The following SPAG16 variants were observed in gnomAD, a reference collection of about 807,000 sequenced individuals.
SPAG16 encodes sperm associated antigen 16, also known as sperm-associated antigen 16 protein.
In SPAG16, 86 loss-of-function variants were observed where a neutral mutation model predicts 80.4. That is an observed-to-expected ratio of 1.07 (90% CI 0.90 to 1.28). The LOEUF (loss-of-function observed/expected upper bound fraction) is 1.28, where lower values mean the gene tolerates loss of function less well. Among genes scored for constraint, SPAG16 ranks in the 50% most tolerant of loss-of-function variants. The probability of loss-of-function intolerance (pLI) is 0.00; values close to 1 mark genes in which losing one functional copy is unlikely to be tolerated. For missense variants in SPAG16, 870 were observed against 765.3 expected (o/e 1.14, Z -1.61); for synonymous variants, 294 against 265.9 (o/e 1.11, Z -1.03).
intron 10 of SPAG16, among the ~76,000 whole-genome samples, chr2:213,715,266 A>ATCTG (rs3076744): frequency 0.035 from 5,241 of 151,022 alleles, 119 homozygotes; most frequent in South Asian, 0.055. Context: ...CTATCTATCT[A>ATCTG]TCCATTCATC....
chr2:213,340,335 A>G lies in SPAG16; in HGVS notation c.644+65A>G, dbSNP rs904287662. On this transcript the variant is annotated intron_variant, in intron 6 of 15. Coordinates refer to ENST00000331683, the MANE Select transcript of SPAG16 (RefSeq NM_024532.5). ...TTAATACATGTTAAGTAATTTGATT[A>G]TGACAAAGTTTTAGACAAAGTTATT... 6.9e-6 allele frequency: 8 copies of G among 1,155,658 alleles called. No homozygotes were observed. The Admixed American group carries it at 1.8e-4, about 27-fold the overall frequency. The allele number at this position is 1,155,658 out of a possible 1,614,324, so 71.6% of individuals were successfully genotyped here.
chr2:213,425,413 G>T (rs2069850904), intron 9 of SPAG16, among the ~76,000 whole-genome samples: 1 of 152,164 alleles, frequency 6.6e-6, no homozygotes, highest in African/African-American at 2.4e-5. Flanking sequence ...ACTTTGGGAG[G>T]CTGAGGTGGG....
At chr2:213,735,784 GC>G (rs1319641620) in intron 10 of SPAG16, among the ~76,000 whole-genome samples, 13 of 152,188 alleles carry the variant, frequency 8.5e-5, no homozygotes, top group African/African-American at 2.9e-4. Context: ...GTCAGTCTCT[GC>G]CATGGCAGTT....
At chr2:213,422,161 G>A (rs2069634149) in intron 9 of SPAG16, 1 of 700,372 alleles carries the variant, frequency 1.4e-6, no homozygotes, top group South Asian at 1.5e-5. Flanking sequence ...GAGAAGAGCT[G>A]TGGCCCTTCA....
intron 8 of SPAG16, among the ~76,000 whole-genome samples, chr2:213,371,790 CT>C (rs1159460506): frequency 6.6e-6 from 1 of 152,096 alleles, no homozygotes; most frequent in East Asian, 1.9e-4. Flanking sequence ...TTTAAACATA[CT>C]TTTTTGACTA....
Position 213,350,513 on chromosome 2 carries a change from C to G in SPAG16, c.645-15C>G, listed in dbSNP as rs762669904. 2 of 1,437,370 alleles carry G rather than the reference C, an allele frequency of 1.4e-6. No individual in the cohort carries two copies. Among genetic ancestry groups the G allele is most frequent in the Non-Finnish European group, 1.9e-6 (2 of 1,059,148 alleles). The allele number at this position is 1,437,370 out of a possible 1,614,324, so 89.0% of individuals were successfully genotyped here. On this transcript the variant is annotated splice_polypyrimidine_tract_variant and intron_variant, in intron 6 of 15. Coordinates refer to ENST00000331683, the MANE Select transcript of SPAG16 (RefSeq NM_024532.5). Reference sequence around the variant, plus strand: ...CAATAACCCCTTAAGATGCTATTGACTTTATTTTTTATAGGTTGAAGTTAC... The same window carrying G: ...CAATAACCCCTTAAGATGCTATTGAGTTTATTTTTTATAGGTTGAAGTTAC...
At chr2:214,119,899 A>G (rs1278178869) in intron 14 of SPAG16, among the ~76,000 whole-genome samples, 1 of 152,042 alleles carries the variant, frequency 6.6e-6, no homozygotes, top group Non-Finnish European at 1.5e-5. Context: ...ATGAGAATCA[A>G]CTATAAATCT....
At chr2:214,138,425 A>G (rs957976556) in intron 14 of SPAG16, among the ~76,000 whole-genome samples, 1 of 152,146 alleles carries the variant, frequency 6.6e-6, no homozygotes, top group Non-Finnish European at 1.5e-5. Context: ...GCAAAAGAAT[A>G]TTTAAAGCCT....
intron 15 of SPAG16, among the ~76,000 whole-genome samples, chr2:214,233,341 AATAATG>A (rs199965064): frequency 0.037 from 3,042 of 81,770 alleles, 64 homozygotes; most frequent in East Asian, 0.15. Context: ...AAAAATAGAT[AATAATG>A]ATGATGATGA....
chr2:213,415,593 G>A (rs781328672), intron 9 of SPAG16, among the ~76,000 whole-genome samples: 2 of 152,204 alleles, frequency 1.3e-5, no homozygotes, highest in Non-Finnish European at 2.9e-5. Flanking sequence ...AATCTTCATG[G>A]TTGATTACGT....
intron 9 of SPAG16, among the ~76,000 whole-genome samples, chr2:213,441,358 A>C (rs1559136219): frequency 6.6e-6 from 1 of 152,224 alleles, no homozygotes; most frequent in South Asian, 2.1e-4. Flanking sequence ...AATGTCTTCT[A>C]TACGCATAGT....
intron 10 of SPAG16, among the ~76,000 whole-genome samples, chr2:213,712,841 C>T (rs74881359): frequency 0.025 from 3,839 of 152,256 alleles, 69 homozygotes; most frequent in Middle Eastern, 0.048. Flanking sequence ...AGATAGACAG[C>T]TTCCCTGCTT....
chr2:213,862,253 A>G (rs6710549), intron 10 of SPAG16, among the ~76,000 whole-genome samples: 6 of 151,820 alleles, frequency 4.0e-5, no homozygotes, highest in African/African-American at 1.5e-4. Context: ...TTGTCTTGCA[A>G]ATGAGGAATC....
intron 9 of SPAG16, among the ~76,000 whole-genome samples, chr2:213,397,755 A>G (rs1034899015): frequency 7.9e-5 from 12 of 152,084 alleles, no homozygotes; most frequent in Non-Finnish European, 2.9e-5. Context: ...ATCTCTGCAT[A>G]CTGAGGTGTT....
intron 9 of SPAG16, among the ~76,000 whole-genome samples, chr2:213,378,077 C>A (rs2066984631): frequency 6.6e-6 from 1 of 152,008 alleles, no homozygotes; most frequent in African/African-American, 2.4e-5. Context: ...TGTTAGAGGG[C>A]AGGAAGCATC....
At chr2:214,205,538 T>C (rs1044454535) in intron 15 of SPAG16, among the ~76,000 whole-genome samples, 1 of 152,174 alleles carries the variant, frequency 6.6e-6, no homozygotes, top group Non-Finnish European at 1.5e-5. Flanking sequence ...CAGTCAGTAT[T>C]ATACAAAAGC....
chr2:213,740,872 A>G (rs1038686009), intron 10 of SPAG16, among the ~76,000 whole-genome samples: 2 of 152,196 alleles, frequency 1.3e-5, no homozygotes, highest in African/African-American at 4.8e-5. Flanking sequence ...CATTCTAACC[A>G]TCCCCATCAG....
chr2:214,172,976 C>T (rs2056932308), intron 15 of SPAG16, among the ~76,000 whole-genome samples: 1 of 151,864 alleles, frequency 6.6e-6, no homozygotes, highest in Non-Finnish European at 1.5e-5. Flanking sequence ...TGTTTGAGTT[C>T]ATTGTAGATT....
intron 10 of SPAG16, among the ~76,000 whole-genome samples, chr2:213,505,709 C>G (rs1559200889): frequency 6.6e-6 from 1 of 152,024 alleles, no homozygotes; most frequent in South Asian, 2.1e-4. Context: ...CTCCCCTTTA[C>G]TTCACTTTTC....
Sources: gnomAD v4.1 joint callset for allele counts (sites outside exome capture counted in the v4.1 genomes callset) on GRCh38, gnomAD v4.1.1 for gene constraint, MANE v1.5 for transcripts, NCBI Gene and HGNC (gene_info 2026-07-23, HGNC 2026-07-21) for gene names.